The following SLC6A17 variants were observed in gnomAD, a reference collection of about 807,000 sequenced individuals.
The protein encoded by SLC6A17 is sodium-dependent neutral amino acid transporter SLC6A17.
Under a neutral mutation model 64.5 loss-of-function variants are expected in SLC6A17, and 21 were observed. That is an observed-to-expected ratio of 0.33 (90% CI 0.23 to 0.47). The LOEUF (loss-of-function observed/expected upper bound fraction) is 0.47. Among genes scored for constraint, SLC6A17 ranks in the 20% least tolerant of loss-of-function variants. The pLI is 1.00. For missense variants in SLC6A17, 682 were observed against 963.2 expected, an observed-to-expected ratio of 0.71 and a Z score of 3.86; for synonymous variants, 372 against 399.5, an observed-to-expected ratio of 0.93 and a Z score of 0.82.
At chr1:110,169,014 T>C (rs1056820884) in intron 2 of SLC6A17, among the ~76,000 whole-genome samples, 1 of 152,222 alleles carries the variant, frequency 6.6e-6, no homozygotes. Flanking sequence ...AACTGTCCAG[T>C]ATTTTTACAG....
intron 6 of SLC6A17, among the ~76,000 whole-genome samples, chr1:110,189,631 A>G (rs532374224): frequency 6.6e-6 from 1 of 152,214 alleles, no homozygotes; most frequent in East Asian, 1.9e-4. Context: ...CAGGATCTGT[A>G]CAGGCCTTTG....
intron 8 of SLC6A17, among the ~76,000 whole-genome samples, chr1:110,193,703 C>T (rs1467375142): frequency 6.6e-6 from 1 of 152,250 alleles, no homozygotes; most frequent in Non-Finnish European, 1.5e-5. Flanking sequence ...ATCTCGGGCC[C>T]ACTGCCCTGG....
chr1:110,173,903 T>G, intron 3 of SLC6A17, 70 bp from the exon 4 acceptor site: 2 of 1,528,620 alleles, frequency 1.3e-6, no homozygotes, highest in South Asian at 1.3e-5. Context: ...GTGCTGGGCC[T>G]CGGGTGGAGC....
rs146539608 is a variant in SLC6A17 at position 110,166,743 on chromosome 1, TCA to T, written c.-87-97_-87-96del. On this transcript the variant is annotated intron_variant, in intron 1 of 11. Coordinates refer to ENST00000331565, the MANE Select transcript of SLC6A17 (RefSeq NM_001010898.4). The stretch of plus-strand genomic sequence containing the variant: ...GCATATATGAGGCCCTTGACCTGCC[TCA>T]CAGTGTGATGGGGAGTTAATTTGGG... 6.2e-4 allele frequency: 420 copies of T among 680,454 alleles called. 3 individuals are homozygous for T. In the African/African-American group the frequency reaches 6.6e-3, roughly 11 times the overall value. The allele number at this position is 680,454 out of a possible 1,614,324, so 42.2% of individuals were successfully genotyped here.
At position 110,192,279 on chromosome 1, in the gene SLC6A17, T is replaced by TG. The variant is rs1417570686; in HGVS notation, c.1106+71dup. 17 of 1,564,344 alleles carry TG rather than the reference T, an allele frequency of 1.1e-5. No individual in the cohort carries two copies. Among genetic ancestry groups the TG allele is most frequent in the Non-Finnish European group, 1.5e-5 (17 of 1,152,106 alleles). ...TACCTTACCTGGGAGTGGGCAGGGGTGGGGGCGCAGGTGTGCATGGGGAGA... is the reference window on the plus strand; with the variant it reads ...TACCTTACCTGGGAGTGGGCAGGGGTGGGGGGCGCAGGTGTGCATGGGGAGA... On this transcript the variant is annotated intron_variant, in intron 7 of 11. Transcript: ENST00000331565. This position sits in a 1 kb window ranked among gnomAD's most constrained non-coding sequence, Gnocchi z 4.3.
At chr1:110,194,053 T>TA (rs749113201) in intron 8 of SLC6A17, among the ~76,000 whole-genome samples, 18 of 151,656 alleles carry the variant, frequency 1.2e-4, no homozygotes, top group Non-Finnish European at 1.8e-4. Flanking sequence ...TTGTTTGTTT[T>TA]AAAAAAAAAC....
intron 9 of SLC6A17, 24 bp downstream of exon 9, chr1:110,194,795 C>T: frequency 6.2e-7 from 1 of 1,608,668 alleles, no homozygotes; most frequent in Non-Finnish European, 8.5e-7. Flanking sequence ...GCCCCCATGC[C>T]CAGGCTCTGC....
At chr1:110,188,125 G>C (rs1241710425) in intron 6 of SLC6A17, among the ~76,000 whole-genome samples, 2 of 152,160 alleles carry the variant, frequency 1.3e-5, no homozygotes, top group African/African-American at 2.4e-5. Flanking sequence ...TTTGATTACA[G>C]GGTGCTGCCC....
intron 4 of SLC6A17, 116 bp from the exon 5 acceptor site, chr1:110,174,663 A>T (rs934798752): frequency 7.6e-7 from 1 of 1,318,086 alleles, no homozygotes; most frequent in Non-Finnish European, 1.0e-6. Context: ...AGCCCCTCCC[A>T]GCTGCCCACC....
chr1:110,195,046 A>C, intron 9 of SLC6A17: 2 of 502,720 alleles, frequency 4.0e-6, no homozygotes, highest in Non-Finnish European at 7.2e-6. Context: ...GGGCCTGCTG[A>C]GTCGTCTTGG....
At chr1:110,188,344 GC>G (rs1377824251) in intron 6 of SLC6A17, among the ~76,000 whole-genome samples, 5 of 152,182 alleles carry the variant, frequency 3.3e-5, no homozygotes. Flanking sequence ...AAGGGGGTGG[GC>G]CCCCAGCAGT....
rs1451212893 is a variant in SLC6A17 at position 110,195,654 on chromosome 1, AC to A, written c.1563del (p.Met522CysfsTer35). On this transcript the variant is annotated frameshift_variant, in exon 10 of 12. Transcript: ENST00000331565. LOFTEE classifies it high-confidence loss of function. Reference sequence around the variant, plus strand: ...CCAGCGCTCCGGAAACTACTTTGTCACCATGTTCGATGACTACTCGGCCACC... The same window carrying A: ...CCAGCGCTCCGGAAACTACTTTGTCACATGTTCGATGACTACTCGGCCACC... ...FVQRSGNYFVTMFDDYSATLP... is the reference protein window; with the variant it reads ...FVQRSGNYFVXMFDDYSATLP... 3 of 1,614,018 alleles carry A rather than the reference AC, an allele frequency of 1.9e-6. No homozygotes were observed. In the African/African-American group the frequency reaches 4.0e-5, roughly 22 times the overall value.
chr1:110,178,800 T>C (rs1277301907), intron 6 of SLC6A17: 1 of 152,234 alleles, frequency 6.6e-6, no homozygotes, highest in African/African-American at 2.4e-5. Context: ...TCCACCGTCA[T>C]GACCTAATCA....
At position 110,199,572 on chromosome 1, in the gene SLC6A17, C is replaced by A. The variant is rs191550666; in HGVS notation, c.*1128C>A. On this transcript the variant is annotated 3_prime_UTR_variant, in exon 12 of 12. Transcript: ENST00000331565. ...CTCCTTATTACACAAGCACAGCCGC[C>A]CAGTGTGCACATCATGTGCAGACAC... The A allele has an allele frequency of 1.4e-3, 250 of 174,490 alleles. 2 individuals are homozygous for A. The highest frequency in any genetic ancestry group is 5.4e-3 in the African/African-American group (228 of 42,496). The allele number at this position is 174,490 out of a possible 1,614,324, so 10.8% of individuals were successfully genotyped here. A position where few individuals can be genotyped will look rare whatever the true frequency, so the allele number is the denominator to read the frequency against.
At chr1:110,185,868 G>A (rs993999338) in intron 6 of SLC6A17, among the ~76,000 whole-genome samples, 14 of 152,150 alleles carry the variant, frequency 9.2e-5, no homozygotes, top group Non-Finnish European at 2.1e-4. Flanking sequence ...GGGCATCTGT[G>A]GTCATCTCCA....
rs146432062 is a variant in SLC6A17, at chr1:110,184,065, G to A, written c.864+7326G>A. On this transcript the variant is annotated intron_variant, in intron 6 of 11. Transcript: ENST00000331565. ...CACATTTGAACATCTCTGAAAGCAC[G>A]CTGTTTCCGACGATCAGTGAGGCAA... 4.2e-3 allele frequency among the ~76,000 whole-genome samples: 636 copies of A among 152,262 alleles called. 5 individuals are homozygous for A. Among genetic ancestry groups the A allele is most frequent in the African/African-American group, 0.014 (597 of 41,564 alleles).
At chr1:110,193,467 A>T (rs1656882228) in intron 8 of SLC6A17, among the ~76,000 whole-genome samples, 1 of 152,274 alleles carries the variant, frequency 6.6e-6, no homozygotes, top group Non-Finnish European at 1.5e-5. Context: ...GGAAAGGGAC[A>T]TACCCACAGC....
intron 1 of SLC6A17, among the ~76,000 whole-genome samples, chr1:110,151,669 T>G (rs1049927452): frequency 1.5e-4 from 23 of 152,142 alleles, no homozygotes; most frequent in African/African-American, 5.6e-4. Context: ...GCGTGATGTT[T>G]CCTTTTAAAG....
chr1:110,161,138 G>T (rs966466118), intron 1 of SLC6A17, among the ~76,000 whole-genome samples: 1 of 152,190 alleles, frequency 6.6e-6, no homozygotes, highest in Admixed American at 6.5e-5. Context: ...GGAGCAGTTT[G>T]CCCCAGGTGA....
Sources: allele counts gnomAD v4.1 joint callset (sites outside exome capture counted in the v4.1 genomes callset), GRCh38; gene constraint gnomAD v4.1.1; non-coding constraint Gnocchi (gnomAD v3.1); transcripts MANE v1.5; gene names NCBI Gene and HGNC (gene_info 2026-07-23, HGNC 2026-07-21).